The following SNIP1 variants were observed in gnomAD, a reference collection of about 807,000 sequenced individuals.
SNIP1 encodes smad nuclear-interacting protein 1.
A neutral mutation model predicts 37.4 loss-of-function variants in SNIP1; 23 were observed. The ratio of observed to expected loss-of-function variants is 0.61; its 90% CI spans 0.44 to 0.87. The LOEUF (loss-of-function observed/expected upper bound fraction) is 0.87. Ranked by LOEUF, SNIP1 falls within the 40% of genes least tolerant of loss-of-function variation. The pLI, the probability that SNIP1 is intolerant of heterozygous loss-of-function variation, is 0.00. For synonymous variants in SNIP1, 174 were observed against 200.0 expected (o/e 0.87, Z 1.10); for missense variants, 459 against 540.4 (o/e 0.85, Z 1.49).
chr1:37,542,834 T>C (rs923892904), intron 2 of SNIP1, among the ~76,000 whole-genome samples: 7 of 152,120 alleles, frequency 4.6e-5, no homozygotes, highest in African/African-American at 1.7e-4. Context: ...TCCCAGCACT[T>C]TGGGAAGCCA....
chr1:37,543,119 C>T (rs1248536373), intron 2 of SNIP1, among the ~76,000 whole-genome samples: 1 of 150,114 alleles, frequency 6.7e-6, no homozygotes, highest in African/African-American at 2.4e-5. Flanking sequence ...CCCTAATAAC[C>T]AAAGCATCAA....
chr1:37,540,787 G>A lies in SNIP1; in HGVS notation c.328-32C>T, dbSNP rs1330314699. On this transcript the variant is annotated intron_variant, in intron 2 of 3. Transcript: ENST00000296215. The surrounding 1 kb of genome is among the most constrained non-coding windows in gnomAD (Gnocchi z 5.6). Reference sequence around the variant, plus strand: ...TTCAAACAGATTCTGTAATTTAAACGCAGTGCACAATCTAAAGGCAGCCCA... The same window carrying A: ...TTCAAACAGATTCTGTAATTTAAACACAGTGCACAATCTAAAGGCAGCCCA... 6.5e-6 allele frequency: 10 copies of A among 1,544,058 alleles called. No individual in the cohort carries two copies. Among genetic ancestry groups the A allele is most frequent in the Admixed American group, 3.8e-5 (2 of 52,984 alleles).
intron 2 of SNIP1, among the ~76,000 whole-genome samples, chr1:37,544,467 A>G (rs1643207591): frequency 6.8e-6 from 1 of 147,246 alleles, no homozygotes; most frequent in Non-Finnish European, 1.5e-5. Context: ...AAAAAAAAAG[A>G]AAGAAAGAAA....
chr1:37,550,054 C>CA (rs1213637818), intron 2 of SNIP1, among the ~76,000 whole-genome samples: 3 of 151,306 alleles, frequency 2.0e-5, no homozygotes, highest in Non-Finnish European at 4.4e-5. Context: ...AAAACAAAAA[C>CA]AAAACAAAAC....
chr1:37,547,736 A>G (rs896701468), intron 2 of SNIP1, among the ~76,000 whole-genome samples: 2 of 151,600 alleles, frequency 1.3e-5, no homozygotes, highest in African/African-American at 4.8e-5. Context: ...TTCACCAAAC[A>G]AACAACAACA....
At chr1:37,552,534 G>A (rs1057110183) in intron 2 of SNIP1, 111 bp downstream of exon 2, 23 of 835,520 alleles carry the variant, frequency 2.8e-5, no homozygotes, top group South Asian at 2.7e-4. Context: ...AGATGTAGGC[G>A]AGCGTACGTG....
chr1:37,544,046 G>A (rs1307955224), intron 2 of SNIP1, among the ~76,000 whole-genome samples: 1 of 152,060 alleles, frequency 6.6e-6, no homozygotes, highest in Non-Finnish European at 1.5e-5. Flanking sequence ...TCGGGAGGCT[G>A]AGGCAGGAGA....
chr1:37,540,726 C>A lies in SNIP1; in HGVS notation c.357G>T (p.Arg119=), dbSNP rs1453822583. 1.2e-6 allele frequency: 2 copies of A among 1,610,400 alleles called. No individual in the cohort carries two copies. The highest frequency in any genetic ancestry group is 1.7e-6 in the Non-Finnish European group (2 of 1,178,140). Residue 119 remains arginine (R), a synonymous_variant, in exon 3 of 4, where the codon CGG becomes CGT. Transcript: ENST00000296215. This position sits in a 1 kb window ranked among gnomAD's most constrained non-coding sequence, Gnocchi z 5.6. ...QEREDHPRRG[R]EDRQHREPSE... is the part of the protein sequence containing the mutation. ...ATGGTTCCCTGTGCTGCCGATCCTC[C>A]CGTCCTCTCCGGGGATGATCCTCAC... is the stretch of plus-strand genomic sequence containing the variant.
chr1:37,544,607 T>C (rs540289257), intron 2 of SNIP1, among the ~76,000 whole-genome samples: 1 of 152,332 alleles, frequency 6.6e-6, no homozygotes, highest in East Asian at 1.9e-4. Flanking sequence ...GGTTCAACAG[T>C]GCTTGGACGG....
intron 3 of SNIP1, among the ~76,000 whole-genome samples, chr1:37,538,508 C>CAAAAAAA (rs35905865): frequency 1.7e-5 from 1 of 57,956 alleles, no homozygotes; most frequent in South Asian, 7.2e-4. Context: ...GACTCTGTCT[C>CAAAAAAA]AAAAAAAAAA....
At chr1:37,551,967 C>A (rs1643306204) in intron 2 of SNIP1, among the ~76,000 whole-genome samples, 2 of 152,044 alleles carry the variant, frequency 1.3e-5, no homozygotes, top group Non-Finnish European at 2.9e-5. Context: ...TGTGTAATAG[C>A]CAAAAAATGG....
chr1:37,551,073 T>TCACACACACA (rs1643295160), intron 2 of SNIP1, among the ~76,000 whole-genome samples: 1 of 61,698 alleles, frequency 1.6e-5, no homozygotes, highest in Admixed American at 2.3e-4. Flanking sequence ...CCAGCCTGGG[T>TCACACACACA]GACACACACA....
In SNIP1 at chr1:37,552,694, CGAG is replaced by C. The variant is rs781322194; in HGVS notation, c.275_277del (p.Pro92del). The C allele has an allele frequency of 6.8e-6, 11 of 1,614,078 alleles. No homozygotes were observed. The highest frequency in any genetic ancestry group is 8.5e-6 in the Non-Finnish European group (10 of 1,180,044). On this transcript the variant is annotated inframe_deletion, in exon 2 of 4. Coordinates refer to ENST00000296215, the MANE Select transcript of SNIP1 (RefSeq NM_024700.4). The stretch of plus-strand genomic sequence containing the variant: ...GTGAGGACTTCGGTTTCTCTTACTG[CGAG>C]GAGACTTGCTTCTTCTCCCTGAGGC...
intron 2 of SNIP1, among the ~76,000 whole-genome samples, chr1:37,551,074 GACACACAC>G (rs55724495): frequency 0.22 from 31,199 of 143,928 alleles, 3,677 homozygotes; most frequent in East Asian, 0.33. Context: ...CAGCCTGGGT[GACACACAC>G]ACACACACAC....
rs533781506 is a variant in SNIP1, at chr1:37,549,108, A to C, written c.327+3537T>G. ...ATCCCAAGTAATCTTAAAAAAAAAA[A>C]AAAACTAGAATACATTAGTTCAGCA... is the stretch of plus-strand genomic sequence containing the variant. On this transcript the variant is annotated intron_variant, in intron 2 of 3. Coordinates refer to ENST00000296215, the MANE Select transcript of SNIP1 (RefSeq NM_024700.4). 4.6e-5 allele frequency: 7 copies of C among 152,230 alleles called. No homozygotes were observed. In the East Asian group the frequency reaches 9.6e-4, roughly 21 times the overall value. The allele number at this position is 152,230 out of a possible 1,614,324, so 9.4% of individuals were successfully genotyped here. A position where few individuals can be genotyped will look rare whatever the true frequency, so the allele number is the denominator to read the frequency against.
chr1:37,542,688 C>G (rs1643189303), intron 2 of SNIP1, among the ~76,000 whole-genome samples: 1 of 151,896 alleles, frequency 6.6e-6, no homozygotes, highest in Non-Finnish European at 1.5e-5. Flanking sequence ...TGCAGTAAGC[C>G]AAGATTCCAC....
intron 2 of SNIP1, among the ~76,000 whole-genome samples, chr1:37,544,453 A>G (rs552909355): frequency 1.5e-4 from 23 of 151,754 alleles, no homozygotes; most frequent in African/African-American, 5.1e-4. Flanking sequence ...TCTCAAAAAA[A>G]AAAAAAAAAA....
In SNIP1 at chr1:37,540,265, A is replaced by C; in HGVS notation, c.818T>G (p.Met273Arg). 1 of 1,614,182 alleles carries C rather than the reference A, an allele frequency of 6.2e-7. No homozygotes were observed. Among genetic ancestry groups the C allele is most frequent in the Non-Finnish European group, 8.5e-7 (1 of 1,180,024 alleles). Residue 273 changes from methionine to arginine, a missense_variant, in exon 3 of 4, where the codon ATG becomes AGG. Transcript: ENST00000296215. The surrounding 1 kb of genome is among the most constrained non-coding windows in gnomAD (Gnocchi z 5.6). Reference sequence around the variant, plus strand: ...GTACGCACTCTGTCGATGTATGTACATGACTGGAAGCACCTCATCATTTTT... The same window carrying C: ...GTACGCACTCTGTCGATGTATGTACCTGACTGGAAGCACCTCATCATTTTT... ...PFKNDEVLPV[M>R]YIHRQSAYLL...
chr1:37,554,258 C>T lies in SNIP1; in HGVS notation c.-29G>A. On this transcript the variant is annotated 5_prime_UTR_variant, in exon 1 of 4. Transcript: ENST00000296215. ...GTGATTTTGGCTGGGCGAAAGAAAA[C>T]AGATCAGTTGAGCTCCTCTAGCTGG... 6.4e-7 allele frequency: 1 copy of T among 1,572,828 alleles called. No homozygotes were observed. Among genetic ancestry groups the T allele is most frequent in the Non-Finnish European group, 8.6e-7 (1 of 1,156,470 alleles).
Sources: gnomAD v4.1 joint callset for allele counts (sites outside exome capture counted in the v4.1 genomes callset) on GRCh38, gnomAD v4.1.1 for gene constraint, Gnocchi (gnomAD v3.1) non-coding constraint, MANE v1.5 for transcripts, NCBI Gene and HGNC (gene_info 2026-07-23, HGNC 2026-07-21) for gene names.